TPP2: variants seen among roughly 807,000 people sequenced by gnomAD.
TPP2 encodes the protein tripeptidyl-peptidase 2.
TPP2 carries 34 observed loss-of-function variants against 155.9 expected under a neutral mutation model. The ratio of observed to expected loss-of-function variants is 0.22; its 90% confidence interval spans 0.17 to 0.29. The LOEUF (loss-of-function observed/expected upper bound fraction) is 0.29, where lower values mean the gene tolerates loss of function less well. TPP2 is among the 10% of genes least tolerant of loss of function. TPP2 has a pLI of 1.00. For synonymous variants in TPP2, 510 were observed against 529.4 expected (o/e 0.96, Z 0.50); for missense variants, 1,028 against 1,522.3 (o/e 0.68, Z 5.40).
intron 11 of TPP2, 68 bp from the exon 12 acceptor site, chr13:102,635,519 A>T: frequency 2.7e-6 from 3 of 1,114,922 alleles, no homozygotes; most frequent in Non-Finnish European, 4.0e-6. Context: ...GTGATCGATC[A>T]TACTGGTGGG....
chr13:102,611,457 T>C (rs951757322), intron 2 of TPP2, among the ~76,000 whole-genome samples: 2 of 152,102 alleles, frequency 1.3e-5, no homozygotes, highest in African/African-American at 4.8e-5. Flanking sequence ...CTTTGGATCA[T>C]CTGAGGTCGG....
At chr13:102,613,352 C>T (rs928457396) in intron 2 of TPP2, among the ~76,000 whole-genome samples, 10 of 152,144 alleles carry the variant, frequency 6.6e-5, no homozygotes, top group African/African-American at 2.2e-4. Context: ...ATGAGGCTAC[C>T]AGCTCTGAGT....
intron 1 of TPP2, among the ~76,000 whole-genome samples, chr13:102,599,906 A>T (rs1198364883): frequency 2.0e-5 from 3 of 151,616 alleles, no homozygotes; most frequent in African/African-American, 7.3e-5. Flanking sequence ...GAATATATGT[A>T]TGCAATAGCC....
chr13:102,665,753 A>C (rs1295974416), intron 27 of TPP2, among the ~76,000 whole-genome samples: 1 of 152,204 alleles, frequency 6.6e-6, no homozygotes, highest in Non-Finnish European at 1.5e-5. Context: ...TAACTAATAA[A>C]CCAAAACTAT....
intron 24 of TPP2, among the ~76,000 whole-genome samples, chr13:102,652,169 G>T (rs557008365): frequency 6.6e-6 from 1 of 152,060 alleles, no homozygotes; most frequent in African/African-American, 2.4e-5. Flanking sequence ...TGAGCTCAGC[G>T]GTTTGAAACC....
intron 27 of TPP2, among the ~76,000 whole-genome samples, chr13:102,667,296 A>G (rs1348154598): frequency 6.6e-6 from 1 of 152,156 alleles, no homozygotes; most frequent in Non-Finnish European, 1.5e-5. Context: ...ATTCCAATTA[A>G]GTTGCTTCCT....
intron 26 of TPP2, 85 bp from the exon 27 acceptor site, chr13:102,664,710 C>A: frequency 7.2e-7 from 1 of 1,392,002 alleles, no homozygotes; most frequent in South Asian, 1.4e-5. Context: ...AGTTGTAGGT[C>A]TCATGGTTGA....
At chr13:102,634,707 T>C (rs1250860043) in intron 11 of TPP2, among the ~76,000 whole-genome samples, 3 of 152,176 alleles carry the variant, frequency 2.0e-5, no homozygotes, top group Admixed American at 6.6e-5. Flanking sequence ...TCCACACTGG[T>C]GCTATCAGCA....
chr13:102,629,792 A>C (rs1291902898), intron 9 of TPP2, among the ~76,000 whole-genome samples, 183 bp downstream of exon 9: 1 of 152,228 alleles, frequency 6.6e-6, no homozygotes, highest in Non-Finnish European at 1.5e-5. Context: ...TTTAAAGTGG[A>C]CTGAAATAAG....
chr13:102,634,049 A>G lies in TPP2; in HGVS notation c.1344A>G (p.Thr448=), dbSNP rs1272266340. ...TLRGTQLMNG[T]SMSSPNACGG... ...GAGGGACGCAGCTGATGAATGGAAC[A>G]TCTATGTCTTCCCCCAATGCATGTG... The change falls in exon 11 of 30, where the codon ACA becomes ACG. Residue 448 remains threonine, a synonymous_variant. Transcript: ENST00000376052. 5.0e-6 allele frequency: 8 copies of G among 1,614,080 alleles called. No homozygotes were observed. The East Asian group carries it at 6.7e-5, about 13-fold the overall frequency.
intron 27 of TPP2, 122 bp from the exon 28 acceptor site, chr13:102,674,161 A>T: frequency 1.0e-6 from 1 of 997,850 alleles, no homozygotes; most frequent in South Asian, 1.7e-5. Flanking sequence ...ACGTACCTGG[A>T]TATACAGTAT....
chr13:102,654,959 G>T (rs773869634), intron 24 of TPP2: 14 of 503,150 alleles, frequency 2.8e-5, no homozygotes, highest in Non-Finnish European at 4.4e-5. Flanking sequence ...TCCTGAAAGA[G>T]CTAGCCCAAG....
Position 102,636,406 on chromosome 13 carries a change from T to A in TPP2, c.1678+14T>A. 6.2e-7 allele frequency: 1 copy of A among 1,603,452 alleles called. No individual in the cohort carries two copies. On this transcript the variant is annotated intron_variant, in intron 13 of 29. Transcript: ENST00000376052. ...CGGAGAACACAGGTCAGTAATAGGC[T>A]GGCAGTAAGCTGACGTATTCACATT...
intron 27 of TPP2, among the ~76,000 whole-genome samples, chr13:102,668,059 C>T (rs543745454): frequency 6.6e-6 from 1 of 152,294 alleles, no homozygotes; most frequent in East Asian, 1.9e-4. Context: ...GAGAGCAGTC[C>T]TGCACATGAA....
At chr13:102,635,811 A>G (rs1484716234) in intron 12 of TPP2, 109 bp downstream of exon 12, 1 of 809,322 alleles carries the variant, frequency 1.2e-6, no homozygotes, top group East Asian at 2.7e-5. Flanking sequence ...TATCTGAATT[A>G]TGGATTATAT....
chr13:102,604,330 A>T (rs564645471), intron 1 of TPP2, among the ~76,000 whole-genome samples: 6 of 152,116 alleles, frequency 3.9e-5, no homozygotes, highest in Admixed American at 3.9e-4. Flanking sequence ...AAAACCCCAC[A>T]CTGACCATCT....
At chr13:102,620,144 G>A (rs954142719) in intron 5 of TPP2, among the ~76,000 whole-genome samples, 3 of 152,164 alleles carry the variant, frequency 2.0e-5, no homozygotes, top group African/African-American at 7.2e-5. Context: ...TTAGGAAAAG[G>A]AATCCGGAGT....
Position 102,660,376 on chromosome 13 carries a change from A to G in TPP2, c.3143+3169A>G, listed in dbSNP as rs546159903. On this transcript the variant is annotated intron_variant, in intron 25 of 29. Coordinates refer to ENST00000376052, the MANE Select transcript of TPP2 (RefSeq NM_001330588.2). ...TATCAATAATTTAAAGTTTACAGGA[A>G]ATTAAGAGAATCCCATTTACAGTAA... is the stretch of plus-strand genomic sequence containing the variant. 1.2e-3 allele frequency among the ~76,000 whole-genome samples: 190 copies of G among 152,284 alleles called. 1 individual carries two copies. The highest frequency in any genetic ancestry group is 4.2e-3 in the African/African-American group (173 of 41,574).
intron 5 of TPP2, among the ~76,000 whole-genome samples, chr13:102,620,720 G>C (rs564730480): frequency 5.9e-5 from 9 of 152,288 alleles, no homozygotes; most frequent in African/African-American, 1.9e-4. Flanking sequence ...AGATGACTCT[G>C]TTCTGAGCAT....
Sources: allele counts gnomAD v4.1 joint callset (sites outside exome capture counted in the v4.1 genomes callset), GRCh38; gene constraint gnomAD v4.1.1; transcripts MANE v1.5; gene names NCBI Gene and HGNC (gene_info 2026-07-23, HGNC 2026-07-21).